The following CCSER1 variants were observed in gnomAD, a reference collection of about 807,000 sequenced individuals.
The protein encoded by CCSER1 is serine-rich coiled-coil domain-containing protein 1.
Under a neutral mutation model 82.0 loss-of-function variants are expected in CCSER1, and 41 were observed. The ratio of observed to expected loss-of-function variants is 0.50; its 90% confidence interval spans 0.39 to 0.65. The LOEUF is 0.65. CCSER1 is among the 30% of genes least tolerant of loss of function. The probability of loss-of-function intolerance (pLI) is 0.00; values close to 1 mark genes in which losing one functional copy is unlikely to be tolerated. For synonymous variants in CCSER1, 414 were observed against 383.9 expected, an observed-to-expected ratio of 1.08 and a Z score of -0.92; for missense variants, 1,119 against 1,064.2, an observed-to-expected ratio of 1.05 and a Z score of -0.72.
chr4:90,143,651 C>T (rs1380755217), intron 1 of CCSER1, among the ~76,000 whole-genome samples: 1 of 150,496 alleles, frequency 6.6e-6, no homozygotes, highest in Non-Finnish European at 1.5e-5. Context: ...GAATATGCTT[C>T]CTAGAATCAA....
At chr4:90,277,255 T>TA (rs1728004687) in intron 1 of CCSER1, among the ~76,000 whole-genome samples, 1 of 152,156 alleles carries the variant, frequency 6.6e-6, no homozygotes, top group Non-Finnish European at 1.5e-5. Context: ...TTTATGGACT[T>TA]AATGCATTTC....
chr4:91,073,859 C>T (rs1470697201), intron 9 of CCSER1, among the ~76,000 whole-genome samples: 2 of 151,936 alleles, frequency 1.3e-5, no homozygotes, highest in Admixed American at 6.6e-5. Flanking sequence ...TAGATTTTAC[C>T]ACTCTGCAGA....
intron 3 of CCSER1, among the ~76,000 whole-genome samples, chr4:90,335,567 C>T (rs909509637): frequency 4.6e-5 from 7 of 152,080 alleles, no homozygotes; most frequent in African/African-American, 1.7e-4. Flanking sequence ...ATAACATTTT[C>T]CCTTTTCTTT....
Position 91,373,296 on chromosome 4 carries a change from C to A in CCSER1, c.2218-225276C>A, listed in dbSNP as rs565977228. On this transcript the variant is annotated intron_variant, in intron 10 of 10. Transcript: ENST00000509176. ...TCTTTGTTGCACTTTGCAGATATTG[C>A]ACGTTTTTACATATTGAAGGTTTGT... Among the ~76,000 whole-genome samples, 20 of 152,206 alleles carry A rather than the reference C, an allele frequency of 1.3e-4. 1 individual carries two copies. The East Asian group carries it at 3.3e-3, about 25-fold the overall frequency.
chr4:91,555,709 A>T (rs1324680858), intron 10 of CCSER1, among the ~76,000 whole-genome samples: 2 of 151,202 alleles, frequency 1.3e-5, no homozygotes, highest in Non-Finnish European at 3.0e-5. Flanking sequence ...TTCATAATGT[A>T]CCTGTGTTAT....
chr4:90,164,791 C>T (rs149775072), intron 1 of CCSER1, among the ~76,000 whole-genome samples: 1,723 of 152,150 alleles, frequency 0.011, 32 homozygotes, highest in African/African-American at 0.039. Context: ...ATAGTGAGCA[C>T]CCACCCATAC....
chr4:90,229,159 A>G (rs11945392), intron 1 of CCSER1, among the ~76,000 whole-genome samples: 1,818 of 152,304 alleles, frequency 0.012, 45 homozygotes, highest in African/African-American at 0.041. Flanking sequence ...ACTCCAAGAC[A>G]CATAATTGTC....
chr4:91,272,406 A>G (rs1027852378), intron 10 of CCSER1, among the ~76,000 whole-genome samples: 5 of 152,062 alleles, frequency 3.3e-5, no homozygotes, highest in African/African-American at 1.2e-4. Flanking sequence ...TCTTTTGAGA[A>G]TTGTCTATTC....
chr4:91,565,204 G>C (rs913956151), intron 10 of CCSER1, among the ~76,000 whole-genome samples: 1 of 151,764 alleles, frequency 6.6e-6, no homozygotes, highest in Non-Finnish European at 1.5e-5. Flanking sequence ...AAGATCAGAT[G>C]GTTGCCAATG....
At chr4:90,606,256 AAT>A (rs1271730279) in intron 5 of CCSER1, among the ~76,000 whole-genome samples, 2 of 152,194 alleles carry the variant, frequency 1.3e-5, no homozygotes, top group Non-Finnish European at 2.9e-5. Context: ...CAGTCTGAAA[AAT>A]ATGTCATTAG....
At chr4:91,398,767 T>A (rs890850049) in intron 10 of CCSER1, among the ~76,000 whole-genome samples, 1 of 151,624 alleles carries the variant, frequency 6.6e-6, no homozygotes, top group African/African-American at 2.4e-5. Context: ...TCATCAAGCC[T>A]ATTTTACTAC....
At chr4:91,483,150 A>T (rs2110050532) in intron 10 of CCSER1, among the ~76,000 whole-genome samples, 1 of 152,208 alleles carries the variant, frequency 6.6e-6, no homozygotes, top group Admixed American at 6.5e-5. Flanking sequence ...AAAAAAAAGA[A>T]TTAGTAAATG....
chr4:90,130,904 C>G (rs1722712409), intron 1 of CCSER1, among the ~76,000 whole-genome samples: 2 of 151,984 alleles, frequency 1.3e-5, no homozygotes, highest in African/African-American at 4.8e-5. Context: ...CAGGCGTGAC[C>G]CACTGCGCCC....
chr4:91,356,652 C>T (rs1347436120), intron 10 of CCSER1, among the ~76,000 whole-genome samples: 1 of 152,122 alleles, frequency 6.6e-6, no homozygotes, highest in African/African-American at 2.4e-5. Flanking sequence ...ACCACAATAC[C>T]ACCACAAATC....
intron 7 of CCSER1, among the ~76,000 whole-genome samples, chr4:90,803,050 C>A (rs562749868): frequency 6.6e-6 from 1 of 152,092 alleles, no homozygotes; most frequent in East Asian, 1.9e-4. Flanking sequence ...AGAGAGAAGA[C>A]CAGCAGTCTA....
intron 10 of CCSER1, among the ~76,000 whole-genome samples, chr4:91,456,794 T>G (rs891219681): frequency 3.3e-5 from 5 of 152,154 alleles, no homozygotes; most frequent in African/African-American, 1.2e-4. Context: ...CCAGACCCAC[T>G]AAAATACTAA....
chr4:90,516,715 G>T (rs6815641), intron 5 of CCSER1, among the ~76,000 whole-genome samples: 5,276 of 146,898 alleles, frequency 0.036, 335 homozygotes, highest in African/African-American at 0.13. Context: ...AGTGTAGAGC[G>T]CAAGGTCAAA....
intron 3 of CCSER1, among the ~76,000 whole-genome samples, chr4:90,347,598 T>A (rs892322066): frequency 1.3e-5 from 2 of 152,056 alleles, no homozygotes; most frequent in Non-Finnish European, 2.9e-5. Context: ...ATGTGCATGC[T>A]GAATATGTCC....
intron 5 of CCSER1, among the ~76,000 whole-genome samples, chr4:90,472,494 G>T (rs1299634542): frequency 6.6e-6 from 1 of 152,110 alleles, no homozygotes; most frequent in Non-Finnish European, 1.5e-5. Flanking sequence ...AGCATAGCAG[G>T]TGATAGGGAG....
Sources: gnomAD v4.1 joint callset for allele counts (sites outside exome capture counted in the v4.1 genomes callset) on GRCh38, gnomAD v4.1.1 for gene constraint, MANE v1.5 for transcripts, NCBI Gene and HGNC (gene_info 2026-07-23, HGNC 2026-07-21) for gene names.